The following DNAAF6 variants were observed in gnomAD, a reference collection of about 807,000 sequenced individuals.
The protein encoded by DNAAF6 is dynein axonemal assembly factor 6, also known as PIH1 domain containing 3.
A neutral mutation model predicts 13.7 loss-of-function variants in DNAAF6; 3 were observed. The observed-to-expected ratio is 0.22, with a 90% CI of 0.10 to 0.56. DNAAF6 has a LOEUF of 0.56. DNAAF6 is among the 20% of genes least tolerant of loss of function. The probability of loss-of-function intolerance (pLI) is 0.92; values close to 1 mark genes in which losing one functional copy is unlikely to be tolerated. For missense variants in DNAAF6, 130 were observed against 151.0 expected (o/e 0.86, Z 0.73); for synonymous variants, 54 against 49.2 (o/e 1.10, Z -0.41).
chrX:107,229,971 G>C (rs1928351618), intron 5 of DNAAF6, among the ~76,000 whole-genome samples: 1 of 111,520 alleles, frequency 9.0e-6, no homozygotes, highest in Non-Finnish European at 1.9e-5. Flanking sequence ...ACAGGTGTGA[G>C]CCACCACCCC....
chrX:107,212,352 A>G (rs1267817963), intron 1 of DNAAF6, among the ~76,000 whole-genome samples: 1 of 110,414 alleles, frequency 9.1e-6, no homozygotes, highest in African/African-American at 3.3e-5. Context: ...CTTCATCTCT[A>G]GTAGTCAACT....
At chrX:107,241,071 G>A (rs1928614189) in intron 6 of DNAAF6, among the ~76,000 whole-genome samples, 1 of 111,911 alleles carries the variant, frequency 8.9e-6, no homozygotes, top group Admixed American at 9.5e-5. Flanking sequence ...GTCTCCTTCA[G>A]TAAACCTTAA....
At chrX:107,242,222 T>C (rs1928638539) in intron 6 of DNAAF6, among the ~76,000 whole-genome samples, 1 of 112,316 alleles carries the variant, frequency 8.9e-6, no homozygotes, top group Non-Finnish European at 1.9e-5. Context: ...AATAAATACT[T>C]TTAATGAACC....
At chrX:107,242,127 G>A (rs1418850361) in intron 6 of DNAAF6, among the ~76,000 whole-genome samples, 1 of 111,477 alleles carries the variant, frequency 9.0e-6, no homozygotes, top group Non-Finnish European at 1.9e-5. Flanking sequence ...GTTTGGCAAC[G>A]TATTCAGGCG....
chrX:107,238,967 G>T lies in DNAAF6; in HGVS notation c.475G>T (p.Asp159Tyr). ...PNTNPSDIQI[D>Y]IQETILDLRT... ...TACAAACCCTTCTGATATTCAAATT[G>T]ATATCCAGGAAACAATCCTTGACCT... is the stretch of plus-strand genomic sequence containing the variant. Residue 159 changes from aspartate (D) to tyrosine (Y), a missense_variant, in exon 6 of 7, where the codon GAT becomes TAT. Coordinates refer to ENST00000372453, the MANE Select transcript of DNAAF6 (RefSeq NM_173494.2). 3.3e-6 allele frequency: 4 copies of T among 1,209,773 alleles called. No individual in the cohort carries two copies. Among genetic ancestry groups the T allele is most frequent in the Non-Finnish European group, 4.5e-6 (4 of 894,780 alleles).
At chrX:107,240,891 T>C (rs905526693) in intron 6 of DNAAF6, among the ~76,000 whole-genome samples, 1 of 111,830 alleles carries the variant, frequency 8.9e-6, no homozygotes, top group Non-Finnish European at 1.9e-5. Context: ...TGTAAGCTAA[T>C]TTTTGGTTGA....
At chrX:107,242,216 A>T (rs1378259533) in intron 6 of DNAAF6, among the ~76,000 whole-genome samples, 1 of 112,302 alleles carries the variant, frequency 8.9e-6, no homozygotes, top group Non-Finnish European at 1.9e-5. Context: ...ATGTGTAATA[A>T]ATACTTTTAA....
chrX:107,216,767 T>G, intron 3 of DNAAF6, 24 bp downstream of exon 3: 1 of 1,058,619 alleles, frequency 9.4e-7, no homozygotes, highest in Non-Finnish European at 1.3e-6. Context: ...CAAAGCAATA[T>G]AGATCAATAT....
chrX:107,208,685 G>A (rs1041223896), intron 1 of DNAAF6, among the ~76,000 whole-genome samples: 2 of 109,150 alleles, frequency 1.8e-5, no homozygotes, highest in South Asian at 4.1e-4. Flanking sequence ...TTACAGGTGC[G>A]TGCCACTATG....
At chrX:107,224,138 A>G (rs1039480118) in intron 5 of DNAAF6, among the ~76,000 whole-genome samples, 1 of 111,829 alleles carries the variant, frequency 8.9e-6, no homozygotes, top group Admixed American at 9.5e-5. Context: ...CAATAAGTAT[A>G]TACAGAAGAC....
At chrX:107,227,885 T>C (rs1928290629) in intron 5 of DNAAF6, among the ~76,000 whole-genome samples, 1 of 110,622 alleles carries the variant, frequency 9.0e-6, no homozygotes, top group African/African-American at 3.3e-5. Flanking sequence ...AGAGAGAGTG[T>C]GTGTGTGTTT....
At position 107,219,175 on chromosome X, in the gene DNAAF6, C is replaced by T. The variant is rs1954366; in HGVS notation, c.332+206C>T. 0.37 allele frequency among the ~76,000 whole-genome samples: 40,564 copies of T among 110,683 alleles called. 7,926 individuals carry two copies. Among genetic ancestry groups the T allele is most frequent in the African/African-American group, 0.76 (23,211 of 30,476 alleles). On this transcript the variant is annotated intron_variant, in intron 4 of 6. Coordinates refer to ENST00000372453, the MANE Select transcript of DNAAF6 (RefSeq NM_173494.2). ...AAGCATAACACCTTCCTTTCAGTTA[C>T]TATCTAGCAAAAATGAAAAATATAG...
chrX:107,226,909 T>C (rs920451416), intron 5 of DNAAF6, among the ~76,000 whole-genome samples: 8 of 111,278 alleles, frequency 7.2e-5, no homozygotes, highest in Non-Finnish European at 1.9e-5. Flanking sequence ...AGGGATGGGA[T>C]AGAAGTCAGT....
chrX:107,229,127 C>CTT lies in DNAAF6; in HGVS notation c.429+6313_429+6314dup, dbSNP rs768372176. Among the ~76,000 whole-genome samples, 172 of 51,589 alleles carry CTT rather than the reference C, an allele frequency of 3.3e-3. 29 individuals carry two copies. The highest frequency in any genetic ancestry group is 4.4e-3 in the Non-Finnish European group (143 of 32,309). The allele number at this position is 51,589 out of a possible 115,157, so 44.8% of individuals were successfully genotyped here. The stretch of plus-strand genomic sequence containing the variant: ...GCAGCATTCCACCCTGTTGACTACT[C>CTT]TTTTTTTTTTTTTTTTTTTTTTTTT... On this transcript the variant is annotated intron_variant, in intron 5 of 6. Transcript: ENST00000372453.
intron 5 of DNAAF6, among the ~76,000 whole-genome samples, chrX:107,232,235 G>A (rs1363915328): frequency 9.0e-6 from 1 of 111,488 alleles, no homozygotes; most frequent in Non-Finnish European, 1.9e-5. Context: ...TTTAAAAATA[G>A]TTTATAGATG....
At chrX:107,222,909 A>G (rs2057813432) in intron 5 of DNAAF6, 68 bp downstream of exon 5, 1 of 1,128,152 alleles carries the variant, frequency 8.9e-7, no homozygotes, top group Admixed American at 2.8e-5. Flanking sequence ...ACTATTATTT[A>G]CATAATATTG....
At chrX:107,218,644 T>C (rs1009229531) in intron 3 of DNAAF6, among the ~76,000 whole-genome samples, 4 of 111,327 alleles carry the variant, frequency 3.6e-5, no homozygotes, top group African/African-American at 1.3e-4. Flanking sequence ...TGCCAAATTC[T>C]CTACAGTTGT....
chrX:107,218,861 C>T lies in DNAAF6; in HGVS notation c.227-3C>T. 8.4e-7 allele frequency: 1 copy of T among 1,184,499 alleles called. No individual in the cohort carries two copies. Among genetic ancestry groups the T allele is most frequent in the South Asian group, 1.9e-5 (1 of 51,583 alleles). ...TTCAGCTTTATCTTCCCTTTCTTCA[C>T]AGTCATCCCTGAAACCAGCGAGGAA... On this transcript the variant is annotated splice_polypyrimidine_tract_variant and splice_region_variant and intron_variant, in intron 3 of 6. Transcript: ENST00000372453.
chrX:107,208,980 T>C (rs764538561), intron 1 of DNAAF6, among the ~76,000 whole-genome samples: 2 of 112,323 alleles, frequency 1.8e-5, no homozygotes, highest in Non-Finnish European at 3.7e-5. Flanking sequence ...TTCCCATAGT[T>C]ACTTATGAGT....
Sources: allele counts gnomAD v4.1 joint callset (sites outside exome capture counted in the v4.1 genomes callset), GRCh38; gene constraint gnomAD v4.1.1; transcripts MANE v1.5; gene names NCBI Gene and HGNC (gene_info 2026-07-23, HGNC 2026-07-21).